Variants in CNTNAP4 observed in about 807,000 individuals in gnomAD.
CNTNAP4 encodes the protein contactin-associated protein-like 4.
Under a neutral mutation model 148.4 loss-of-function variants are expected in CNTNAP4, and 98 were observed. That is an observed-to-expected ratio of 0.66 (90% CI 0.56 to 0.78). CNTNAP4 has a LOEUF of 0.78. CNTNAP4 is among the 30% of genes least tolerant of loss of function. The pLI, the probability that CNTNAP4 is intolerant of heterozygous loss-of-function variation, is 0.00. For missense variants in CNTNAP4, 1,935 were observed against 1,565.6 expected (o/e 1.24, Z -3.98); for synonymous variants, 730 against 565.1 (o/e 1.29, Z -4.14).
chr16:76,332,778 AAC>A lies in CNTNAP4; in HGVS notation c.196+16256_196+16257del, dbSNP rs529784711. Among the ~76,000 whole-genome samples the A allele has an allele frequency of 2.0e-4, 31 of 152,120 alleles. No homozygotes were observed. In the East Asian group the frequency reaches 5.8e-3, roughly 29 times the overall value. ...TCAGGGATCTTGGGTGATCCTAGCC[AAC>A]CAGCTTTCCCAGGGATGAATTTTCC... On this transcript the variant is annotated intron_variant, in intron 2 of 23. Coordinates refer to ENST00000611870, the MANE Select transcript of CNTNAP4 (RefSeq NM_033401.5).
chr16:76,521,288 T>A lies in CNTNAP4; in HGVS notation c.2514T>A (p.Asp838Glu), dbSNP rs764660587. Residue 838 changes from aspartate (D) to glutamate (E), a missense_variant, in exon 16 of 24, where the codon GAT becomes GAA. Coordinates refer to ENST00000611870, the MANE Select transcript of CNTNAP4 (RefSeq NM_033401.5). ...TTTTAGAGAACTTGGGGATTGCTGA[T>A]TTTATACGGATAGAGCTTCGCTGTA... ...GVFLENLGIA[D>E]FIRIELRSPT... 1 of 1,611,788 alleles carries A rather than the reference T, an allele frequency of 6.2e-7. No individual in the cohort carries two copies. Among genetic ancestry groups the A allele is most frequent in the Non-Finnish European group, 8.5e-7 (1 of 1,179,100 alleles).
intron 3 of CNTNAP4, among the ~76,000 whole-genome samples, chr16:76,386,036 C>T (rs1391505875): frequency 6.6e-6 from 1 of 152,146 alleles, no homozygotes; most frequent in Non-Finnish European, 1.5e-5. Context: ...AGGCAGAGTG[C>T]CACCTTGTTT....
chr16:76,555,989 A>G (rs148740382), intron 23 of CNTNAP4, among the ~76,000 whole-genome samples: 3 of 152,320 alleles, frequency 2.0e-5, no homozygotes, highest in East Asian at 1.9e-4. Context: ...GTGTTACACA[A>G]TCTGGTAGAA....
chr16:76,409,065 C>T (rs900147160), intron 3 of CNTNAP4, among the ~76,000 whole-genome samples: 1 of 151,880 alleles, frequency 6.6e-6, no homozygotes, highest in African/African-American at 2.4e-5. Context: ...TTGTGACTGT[C>T]CTGGAAGAAT....
intron 20 of CNTNAP4, 36 bp from the exon 21 acceptor site, chr16:76,540,667 A>C (rs1279515977): frequency 1.4e-6 from 2 of 1,444,912 alleles, no homozygotes; most frequent in African/African-American, 2.8e-5. Flanking sequence ...AACGTCATCC[A>C]TTTGGATGTT....
At chr16:76,544,510 A>G (rs1398904119) in intron 21 of CNTNAP4, among the ~76,000 whole-genome samples, 1 of 152,228 alleles carries the variant, frequency 6.6e-6, no homozygotes, top group Non-Finnish European at 1.5e-5. Flanking sequence ...CAATTAAAAT[A>G]TAGAAGTACT....
At chr16:76,297,687 T>G (rs1220890102) in intron 1 of CNTNAP4, among the ~76,000 whole-genome samples, 1 of 152,206 alleles carries the variant, frequency 6.6e-6, no homozygotes, top group Non-Finnish European at 1.5e-5. Context: ...AAGCTTATGA[T>G]AGATAGATAC....
At chr16:76,485,008 T>C (rs1420193028) in intron 12 of CNTNAP4, among the ~76,000 whole-genome samples, 1 of 152,248 alleles carries the variant, frequency 6.6e-6, no homozygotes, top group East Asian at 1.9e-4. Flanking sequence ...TCTTAAACGA[T>C]GTTAAAAGCT....
chr16:76,412,718 T>C (rs937832050), intron 3 of CNTNAP4, among the ~76,000 whole-genome samples: 61 of 151,438 alleles, frequency 4.0e-4, no homozygotes, highest in African/African-American at 1.3e-3. Context: ...CTATGTATTC[T>C]GGATACTAAT....
At position 76,320,586 on chromosome 16, in the gene CNTNAP4, A is replaced by G. The variant is rs1317882213; in HGVS notation, c.196+4063A>G. On this transcript the variant is annotated intron_variant, in intron 2 of 23. Coordinates refer to ENST00000611870, the MANE Select transcript of CNTNAP4 (RefSeq NM_033401.5). ...GGTTATCTAGAAAAGATAGCTGCATAGTATTGTCATTGTTGGAGTTTCAGT... is the reference window on the plus strand; with the variant it reads ...GGTTATCTAGAAAAGATAGCTGCATGGTATTGTCATTGTTGGAGTTTCAGT... 2.0e-5 allele frequency among the ~76,000 whole-genome samples: 3 copies of G among 152,308 alleles called. No individual in the cohort carries two copies. The East Asian group carries it at 5.8e-4, about 29-fold the overall frequency.
intron 2 of CNTNAP4, among the ~76,000 whole-genome samples, chr16:76,354,211 G>A (rs1486488181): frequency 6.6e-6 from 1 of 152,074 alleles, no homozygotes; most frequent in African/African-American, 2.4e-5. Context: ...CTTTTACAAT[G>A]ATTATATGTT....
intron 4 of CNTNAP4, among the ~76,000 whole-genome samples, chr16:76,438,061 T>C (rs2079898220): frequency 6.6e-6 from 1 of 152,132 alleles, no homozygotes; most frequent in African/African-American, 2.4e-5. Context: ...CTTTGGGAAA[T>C]CCACATTTAT....
At chr16:76,413,646 A>G (rs572199827) in intron 3 of CNTNAP4, among the ~76,000 whole-genome samples, 22 of 151,266 alleles carry the variant, frequency 1.5e-4, no homozygotes, top group African/African-American at 5.3e-4. Context: ...TAAAACTTGT[A>G]ACTATCTTGT....
intron 8 of CNTNAP4, among the ~76,000 whole-genome samples, chr16:76,457,223 G>T (rs918522861): frequency 5.9e-5 from 9 of 152,300 alleles, no homozygotes; most frequent in South Asian, 4.1e-4. Flanking sequence ...GAAAGGAGTT[G>T]TATAGCTACA....
At chr16:76,557,619 T>C (rs1046156546) in intron 23 of CNTNAP4, 3 of 152,216 alleles carry the variant, frequency 2.0e-5, no homozygotes, top group African/African-American at 7.2e-5. Context: ...GGCAGTGTAA[T>C]GTTTTCTACT....
rs1475554375 is a variant in CNTNAP4, at chr16:76,559,446, G to A, written c.*763G>A. ...AATTAATTTGCTACCATTGTTTGAT[G>A]GTGACAGTACTTAAGACCCTGAGTA... On this transcript the variant is annotated 3_prime_UTR_variant, in exon 24 of 24. Coordinates refer to ENST00000611870, the MANE Select transcript of CNTNAP4 (RefSeq NM_033401.5). Among the ~76,000 whole-genome samples the A allele has an allele frequency of 6.6e-6, 1 of 151,974 alleles. No homozygotes were observed. Among genetic ancestry groups the A allele is most frequent in the Non-Finnish European group, 1.5e-5 (1 of 67,986 alleles).
rs139208468 is a variant in CNTNAP4 at position 76,529,082 on chromosome 16, T to G, written c.2756-6463T>G. The stretch of plus-strand genomic sequence containing the variant: ...TTAGACACAATGAGCAGCAACGCAA[T>G]GAACATCTCCTCCTCTCCTCCAGAT... On this transcript the variant is annotated intron_variant, in intron 17 of 23. Coordinates refer to ENST00000611870, the MANE Select transcript of CNTNAP4 (RefSeq NM_033401.5). Among the ~76,000 whole-genome samples the G allele has an allele frequency of 2.6e-3, 395 of 152,330 alleles. 3 individuals carry two copies. The highest frequency in any genetic ancestry group is 9.1e-3 in the African/African-American group (378 of 41,588).
intron 4 of CNTNAP4, 45 bp downstream of exon 4, chr16:76,427,644 G>T: frequency 6.7e-7 from 1 of 1,499,852 alleles, no homozygotes; most frequent in Non-Finnish European, 8.9e-7. Flanking sequence ...TATCAAAAGA[G>T]ATGTTTTAAA....
chr16:76,332,264 A>G (rs1038503315), intron 2 of CNTNAP4, among the ~76,000 whole-genome samples: 1 of 151,932 alleles, frequency 6.6e-6, no homozygotes, highest in South Asian at 2.1e-4. Context: ...TTTGGGGCCA[A>G]TATTATTATT....
Sources: allele counts gnomAD v4.1 joint callset (sites outside exome capture counted in the v4.1 genomes callset), GRCh38; gene constraint gnomAD v4.1.1; transcripts MANE v1.5; gene names NCBI Gene and HGNC (gene_info 2026-07-23, HGNC 2026-07-21).